The following SSBP2 variants were observed in gnomAD, a reference collection of about 807,000 sequenced individuals.
SSBP2 encodes single-stranded DNA-binding protein 2.
A neutral mutation model predicts 61.8 loss-of-function variants in SSBP2; 17 were observed. The ratio of observed to expected loss-of-function variants is 0.28; its 90% CI spans 0.19 to 0.41. The LOEUF (loss-of-function observed/expected upper bound fraction) is 0.41. Ranked by LOEUF, SSBP2 falls within the 10% of genes least tolerant of loss-of-function variation. The pLI is 1.00. For synonymous variants in SSBP2, 139 were observed against 141.3 expected (o/e 0.98, Z 0.12); for missense variants, 310 against 458.7 (o/e 0.68, Z 2.96).
intron 2 of SSBP2, among the ~76,000 whole-genome samples, chr5:81,648,905 G>A (rs1231344879): frequency 6.6e-6 from 1 of 151,738 alleles, no homozygotes; most frequent in African/African-American, 2.4e-5. Context: ...TCACTTCAAT[G>A]TATGACCAAA....
At chr5:81,690,402 A>G (rs938543839) in intron 1 of SSBP2, among the ~76,000 whole-genome samples, 5 of 152,144 alleles carry the variant, frequency 3.3e-5, no homozygotes, top group Non-Finnish European at 5.9e-5. Context: ...TAAAGGGATT[A>G]AGAAAGATAT....
At chr5:81,566,423 T>C (rs967317219) in intron 4 of SSBP2, among the ~76,000 whole-genome samples, 2 of 152,218 alleles carry the variant, frequency 1.3e-5, no homozygotes, top group Non-Finnish European at 2.9e-5. Flanking sequence ...TTTCTGCTTT[T>C]GCGTCTTCCT....
intron 4 of SSBP2, among the ~76,000 whole-genome samples, chr5:81,543,618 G>C (rs1207458425): frequency 2.0e-5 from 3 of 151,770 alleles, no homozygotes; most frequent in African/African-American, 7.3e-5. Context: ...AATACATCCA[G>C]GTAACAAACC....
At chr5:81,680,489 T>C (rs1321088922) in intron 1 of SSBP2, among the ~76,000 whole-genome samples, 2 of 151,684 alleles carry the variant, frequency 1.3e-5, no homozygotes, top group Non-Finnish European at 2.9e-5. Context: ...ATCAAAAAAA[T>C]AAGACTCAGC....
At chr5:81,435,349 G>A (rs1762608421) in intron 15 of SSBP2, among the ~76,000 whole-genome samples, 2 of 152,128 alleles carry the variant, frequency 1.3e-5, no homozygotes, top group Admixed American at 1.3e-4. Flanking sequence ...AGGAACTCCT[G>A]CCTAAGAATA....
intron 4 of SSBP2, among the ~76,000 whole-genome samples, chr5:81,542,859 T>C (rs1771405459): frequency 1.1e-5 from 1 of 92,478 alleles, no homozygotes; most frequent in Admixed American, 1.0e-4. Context: ...CTCTCCTTTC[T>C]TTCTTCTTTT....
chr5:81,689,931 G>C (rs922227410), intron 1 of SSBP2, among the ~76,000 whole-genome samples: 3 of 151,922 alleles, frequency 2.0e-5, no homozygotes, highest in Non-Finnish European at 2.9e-5. Flanking sequence ...CATATAAATA[G>C]AAACAAAAAA....
intron 14 of SSBP2, among the ~76,000 whole-genome samples, chr5:81,439,480 C>CATCACTTATAAA (rs1316692964): frequency 5.3e-5 from 8 of 150,938 alleles, no homozygotes; most frequent in African/African-American, 2.0e-4. Flanking sequence ...GGTAAGAAGG[C>CATCACTTATAAA]ATCACTTATA....
chr5:81,436,650 T>C (rs1329916540), intron 15 of SSBP2, among the ~76,000 whole-genome samples: 4 of 152,278 alleles, frequency 2.6e-5, no homozygotes, highest in African/African-American at 9.6e-5. Flanking sequence ...CTTAATGAAT[T>C]TCTCTATTTA....
chr5:81,639,938 T>A (rs921279823), intron 2 of SSBP2, among the ~76,000 whole-genome samples: 7 of 152,336 alleles, frequency 4.6e-5, no homozygotes, highest in African/African-American at 1.4e-4. Context: ...TAAGTGTCAT[T>A]AAAATCACTG....
chr5:81,689,164 T>G (rs1055182374), intron 1 of SSBP2, among the ~76,000 whole-genome samples: 3 of 151,910 alleles, frequency 2.0e-5, no homozygotes, highest in African/African-American at 7.3e-5. Flanking sequence ...GACAAGCTAT[T>G]TGACAGTATA....
At chr5:81,532,009 T>C (rs901216243) in intron 4 of SSBP2, among the ~76,000 whole-genome samples, 1 of 152,040 alleles carries the variant, frequency 6.6e-6, no homozygotes, top group Non-Finnish European at 1.5e-5. Context: ...TTATCAGCTG[T>C]TATTGAGAGG....
intron 10 of SSBP2, among the ~76,000 whole-genome samples, chr5:81,456,911 T>G (rs1580732353): frequency 1.3e-5 from 2 of 152,182 alleles, no homozygotes; most frequent in East Asian, 3.9e-4. Context: ...ACATGGAAAG[T>G]AGAAAGGCTA....
intron 5 of SSBP2, among the ~76,000 whole-genome samples, chr5:81,495,206 C>T (rs1001143870): frequency 1.3e-5 from 2 of 152,072 alleles, no homozygotes; most frequent in African/African-American, 2.4e-5. Flanking sequence ...AGGTCCCAGG[C>T]CCCTTAATGA....
rs578095894 is a variant in SSBP2, at chr5:81,658,034, T to C, written c.63-7695A>G. On this transcript the variant is annotated intron_variant, in intron 1 of 16. Coordinates refer to ENST00000320672, the MANE Select transcript of SSBP2 (RefSeq NM_012446.5). ...TAATTAACATATCCATTGCCTCAAA[T>C]ATTTATCTTTTCTGTGTGTGGTGAG... Among the ~76,000 whole-genome samples, 31 of 152,304 alleles carry C rather than the reference T, an allele frequency of 2.0e-4. 1 individual carries two copies. The South Asian group carries it at 6.2e-3, about 31-fold the overall frequency.
chr5:81,655,985 C>T (rs1311721859), intron 1 of SSBP2, among the ~76,000 whole-genome samples: 2 of 152,094 alleles, frequency 1.3e-5, no homozygotes, highest in East Asian at 3.8e-4. Context: ...CTTTACTTTG[C>T]ATGATTCTAA....
chr5:81,615,636 A>T, intron 3 of SSBP2, 79 bp from the exon 4 acceptor site: 1 of 955,750 alleles, frequency 1.0e-6, no homozygotes, highest in Non-Finnish European at 1.6e-6. Context: ...AGTAGAAGAC[A>T]TGTTTTTCTT....
intron 1 of SSBP2, among the ~76,000 whole-genome samples, chr5:81,688,029 G>C (rs768180344): frequency 2.0e-5 from 3 of 152,178 alleles, no homozygotes; most frequent in African/African-American, 7.2e-5. Context: ...CTTGGCCACA[G>C]TAGGGTACCT....
intron 6 of SSBP2, among the ~76,000 whole-genome samples, chr5:81,484,279 GTGAACAT>G (rs1195502319): frequency 6.6e-6 from 1 of 152,104 alleles, no homozygotes; most frequent in Non-Finnish European, 1.5e-5. Context: ...GGCAAAAGAA[GTGAACAT>G]TGTATCATAA....
Sources: gnomAD v4.1 joint callset for allele counts (sites outside exome capture counted in the v4.1 genomes callset) on GRCh38, gnomAD v4.1.1 for gene constraint, MANE v1.5 for transcripts, NCBI Gene and HGNC (gene_info 2026-07-23, HGNC 2026-07-21) for gene names.